The following ANK2 variants were observed in gnomAD, a reference collection of about 807,000 sequenced individuals.
The protein encoded by ANK2 is ankyrin 2, also known as ankyrin-2.
Under a neutral mutation model 360.5 loss-of-function variants are expected in ANK2, and 83 were observed. The ratio of observed to expected loss-of-function variants is 0.23; its 90% CI spans 0.19 to 0.28. ANK2 has a LOEUF of 0.28. Ranked by LOEUF, ANK2 falls within the 10% of genes least tolerant of loss-of-function variation. The pLI is 1.00. For synonymous variants in ANK2, 1,740 were observed against 1,759.5 expected, an observed-to-expected ratio of 0.99 and a Z score of 0.28; for missense variants, 4,201 against 4,795.7, an observed-to-expected ratio of 0.88 and a Z score of 3.66.
In ANK2 at chr4:112,940,437, A is replaced by C. The variant is rs966686993; in HGVS notation, c.21+35923A>C. Among the ~76,000 whole-genome samples the C allele has an allele frequency of 4.6e-5, 7 of 152,324 alleles. No homozygotes were observed. The East Asian group carries it at 1.3e-3, about 29-fold the overall frequency. On this transcript the variant is annotated intron_variant, in intron 2 of 30. Transcript: ENST00000503271. The stretch of plus-strand genomic sequence containing the variant: ...ACACACAATAAAAGGAGCTAGTGAC[A>C]TTAAAAAATTTGGCTCTATCTGAAC...
chr4:112,730,946 C>T, the ANK2 span, among the ~76,000 whole-genome samples: 38 of 150,992 alleles, frequency 2.5e-4, no homozygotes, highest in Admixed American at 4.0e-4. Flanking sequence ...GAGACCATTC[C>T]GGCCAACATG....
the ANK2 span, among the ~76,000 whole-genome samples, chr4:112,807,499 T>G: frequency 5.9e-5 from 9 of 152,174 alleles, no homozygotes; most frequent in Non-Finnish European, 1.2e-4. Context: ...AGGTTCTGGA[T>G]GATGGTGAAT....
intron 1 of ANK2, among the ~76,000 whole-genome samples, chr4:113,163,484 G>T (rs1372486746): frequency 1.3e-5 from 2 of 151,670 alleles, no homozygotes; most frequent in African/African-American, 2.4e-5. Flanking sequence ...CCAAGCTTTG[G>T]CCGGGCACGG....
At chr4:113,191,818 C>T (rs1010094199) in intron 2 of ANK2, among the ~76,000 whole-genome samples, 2 of 152,090 alleles carry the variant, frequency 1.3e-5, no homozygotes, top group African/African-American at 4.8e-5. Context: ...AACCTTAAAT[C>T]CTATTGTTTA....
intron 2 of ANK2, among the ~76,000 whole-genome samples, chr4:112,926,153 C>T (rs560985094): frequency 6.6e-6 from 1 of 152,072 alleles, no homozygotes; most frequent in Admixed American, 6.5e-5. Context: ...AAACAAAGCA[C>T]AGCAAAACAA....
At chr4:113,158,610 C>G (rs2097390308) in intron 1 of ANK2, among the ~76,000 whole-genome samples, 1 of 152,162 alleles carries the variant, frequency 6.6e-6, no homozygotes, top group South Asian at 2.1e-4. Flanking sequence ...CCACGCTGCA[C>G]ATTATATGCT....
intron 31 of ANK2, among the ~76,000 whole-genome samples, chr4:113,338,262 G>A (rs934545497): frequency 6.6e-6 from 1 of 151,972 alleles, no homozygotes; most frequent in Admixed American, 6.5e-5. Context: ...TCCTCCTACA[G>A]CCCTTTGAAC....
At chr4:113,260,578 A>G (rs2052270552) in intron 13 of ANK2, among the ~76,000 whole-genome samples, 1 of 152,230 alleles carries the variant, frequency 6.6e-6, no homozygotes, top group Non-Finnish European at 1.5e-5. Context: ...GGTAAAATAT[A>G]GGACTCTCAG....
At chr4:112,968,315 C>T (rs956900085) in intron 2 of ANK2, among the ~76,000 whole-genome samples, 9 of 152,186 alleles carry the variant, frequency 5.9e-5, no homozygotes, top group African/African-American at 2.2e-4. Flanking sequence ...GGACATCTGT[C>T]ACTCCCCATG....
intron 4 of ANK2, among the ~76,000 whole-genome samples, chr4:113,221,160 T>C (rs935357164): frequency 6.6e-6 from 1 of 152,092 alleles, no homozygotes; most frequent in African/African-American, 2.4e-5. Context: ...GACAGGAAAA[T>C]GCAAAGGAAG....
intron 1 of ANK2, among the ~76,000 whole-genome samples, chr4:112,841,461 G>A (rs975357890): frequency 1.3e-5 from 2 of 152,186 alleles, no homozygotes; most frequent in Non-Finnish European, 2.9e-5. Context: ...TTTTTCAGGA[G>A]CTATGTAACA....
At chr4:112,823,789 T>C (rs2057753878) in intron 1 of ANK2, among the ~76,000 whole-genome samples, 1 of 152,220 alleles carries the variant, frequency 6.6e-6, no homozygotes, top group Non-Finnish European at 1.5e-5. Flanking sequence ...CACACTGGGC[T>C]CTCAGCCCAT....
At chr4:113,157,156 T>C (rs2097333755) in intron 1 of ANK2, among the ~76,000 whole-genome samples, 2 of 152,216 alleles carry the variant, frequency 1.3e-5, no homozygotes, top group East Asian at 1.9e-4. Flanking sequence ...TCATTTCTAC[T>C]ACTTAGTTTT....
At chr4:113,225,152 G>A (rs1300884076) in intron 4 of ANK2, among the ~76,000 whole-genome samples, 1 of 152,120 alleles carries the variant, frequency 6.6e-6, no homozygotes, top group East Asian at 1.9e-4. Flanking sequence ...CTGCCATCCT[G>A]ATTTCATTTA....
At chr4:112,890,556 GTTTTTTTTTTTTTT>G (rs754680934) in intron 1 of ANK2, among the ~76,000 whole-genome samples, 3 of 67,456 alleles carry the variant, frequency 4.4e-5, no homozygotes, top group Admixed American at 2.1e-4. Flanking sequence ...CATTTCTGTG[GTTTTTTTTTTTTTT>G]TTTTTTTTTT....
rs573481862 is a variant in ANK2 at position 112,875,637 on chromosome 4, C to G, written c.-39-28818C>G. On this transcript the variant is annotated intron_variant, in intron 1 of 30. Transcript: ENST00000503271. Reference sequence around the variant, plus strand: ...AAGTGTGAGCCACCACGCACAGCCCCTTATTACCTTTAATTTCTGCCGTAA... The same window carrying G: ...AAGTGTGAGCCACCACGCACAGCCCGTTATTACCTTTAATTTCTGCCGTAA... Among the ~76,000 whole-genome samples, 25 of 151,736 alleles carry G rather than the reference C, an allele frequency of 1.6e-4. No homozygotes were observed. In the South Asian group the frequency reaches 4.6e-3, roughly 28 times the overall value.
At chr4:112,958,115 G>A (rs1221758020) in intron 2 of ANK2, among the ~76,000 whole-genome samples, 3 of 151,548 alleles carry the variant, frequency 2.0e-5, no homozygotes, top group African/African-American at 7.3e-5. Context: ...TCCAGACTGG[G>A]CAGCCAGGCA....
At chr4:112,873,610 C>T (rs867226717) in intron 1 of ANK2, among the ~76,000 whole-genome samples, 2 of 149,668 alleles carry the variant, frequency 1.3e-5, no homozygotes, top group African/African-American at 2.5e-5. Flanking sequence ...GATCTTGGCT[C>T]ACTGCAAGCT....
chr4:112,940,334 T>C (rs1367632028), intron 2 of ANK2, among the ~76,000 whole-genome samples: 1 of 152,184 alleles, frequency 6.6e-6, no homozygotes, highest in Non-Finnish European at 1.5e-5. Flanking sequence ...AATACTCTTA[T>C]AAGCCTAAAA....
Sources: gnomAD v4.1 joint callset for allele counts (sites outside exome capture counted in the v4.1 genomes callset) on GRCh38, gnomAD v4.1.1 for gene constraint, MANE v1.5 for transcripts, NCBI Gene and HGNC (gene_info 2026-07-23, HGNC 2026-07-21) for gene names.